Variants in ACTR3B observed in about 807,000 individuals in gnomAD.
ACTR3B encodes the protein actin-related protein 3B.
In ACTR3B, 8 loss-of-function variants were observed where a neutral mutation model predicts 59.0. The ratio of observed to expected loss-of-function variants is 0.14; its 90% CI spans 0.08 to 0.24. ACTR3B has a LOEUF of 0.24. ACTR3B is among the 10% of genes least tolerant of loss of function. The pLI is 1.00. For missense variants in ACTR3B, 245 were observed against 552.3 expected (o/e 0.44, Z 5.58); for synonymous variants, 148 against 197.9 (o/e 0.75, Z 2.12).
intron 2 of ACTR3B, among the ~76,000 whole-genome samples, chr7:152,784,449 G>A (rs1440277031): frequency 1.3e-5 from 2 of 151,946 alleles, no homozygotes; most frequent in South Asian, 2.1e-4. Context: ...ACCTCATTCC[G>A]GTTCCTTGCT....
At chr7:152,849,874 G>A (rs1031659469) in intron 9 of ACTR3B, among the ~76,000 whole-genome samples, 1 of 152,270 alleles carries the variant, frequency 6.6e-6, no homozygotes, top group Non-Finnish European at 1.5e-5. Context: ...GAGGTCACTG[G>A]TGGCTTCTCC....
At chr7:152,837,183 A>T (rs1797530347) in intron 9 of ACTR3B, among the ~76,000 whole-genome samples, 1 of 152,238 alleles carries the variant, frequency 6.6e-6, no homozygotes, top group African/African-American at 2.4e-5. Context: ...CTCAAAAAAA[A>T]ACAAACAAAC....
intron 9 of ACTR3B, among the ~76,000 whole-genome samples, chr7:152,829,057 T>TATATACAC (rs1390377342): frequency 3.7e-4 from 53 of 144,774 alleles, no homozygotes; most frequent in African/African-American, 1.3e-3. Flanking sequence ...TATATATATA[T>TATATACAC]ACACACACAC....
chr7:152,839,543 AG>A (rs1326806364), intron 9 of ACTR3B, among the ~76,000 whole-genome samples: 8 of 145,956 alleles, frequency 5.5e-5, no homozygotes, highest in African/African-American at 1.8e-4. Flanking sequence ...CAGCTGTGTC[AG>A]GCAGCGCGTA....
At chr7:152,772,478 C>G (rs2098126365) in intron 1 of ACTR3B, among the ~76,000 whole-genome samples, 1 of 152,090 alleles carries the variant, frequency 6.6e-6, no homozygotes, top group Non-Finnish European at 1.5e-5. Context: ...TGAGTTGTGA[C>G]TGCGCCACTG....
At chr7:152,845,664 G>A (rs1470300487) in intron 9 of ACTR3B, among the ~76,000 whole-genome samples, 2 of 152,224 alleles carry the variant, frequency 1.3e-5, no homozygotes, top group Non-Finnish European at 2.9e-5. Context: ...CTCCTGAAGT[G>A]ACTTGGCTCT....
At chr7:152,782,096 A>G (rs2098155914) in intron 1 of ACTR3B, among the ~76,000 whole-genome samples, 3 of 152,094 alleles carry the variant, frequency 2.0e-5, no homozygotes, top group African/African-American at 7.3e-5. Flanking sequence ...TAAAATTAGC[A>G]TATGGTAAAC....
In ACTR3B at chr7:152,825,703, C is replaced by T. The variant is rs113360208; in HGVS notation, c.951+581C>T. Among the ~76,000 whole-genome samples the T allele has an allele frequency of 8.7e-4, 132 of 152,202 alleles. 1 individual carries two copies. Among genetic ancestry groups the T allele is most frequent in the Non-Finnish European group, 1.7e-3 (114 of 68,024 alleles). Reference sequence around the variant, plus strand: ...GGTGGACAGTTTTAGCCACAAATATCGATGGAAAGTAAGAGCGGTGCCCTC... The same window carrying T: ...GGTGGACAGTTTTAGCCACAAATATTGATGGAAAGTAAGAGCGGTGCCCTC... On this transcript the variant is annotated intron_variant, in intron 9 of 11. Coordinates refer to ENST00000256001, the MANE Select transcript of ACTR3B (RefSeq NM_020445.6).
In ACTR3B at chr7:152,824,816, AT is replaced by A. The variant is rs762457557; in HGVS notation, c.859-213del. Among the ~76,000 whole-genome samples, 3 of 152,080 alleles carry A rather than the reference AT, an allele frequency of 2.0e-5. No homozygotes were observed. The highest frequency in any genetic ancestry group is 4.4e-5 in the Non-Finnish European group (3 of 68,022). ...GTTGTTGGTATTTTTTCTTCACTAA[AT>A]CCATACATTTTACCTCATGAGGAGA... is the stretch of plus-strand genomic sequence containing the variant. On this transcript the variant is annotated intron_variant, in intron 8 of 11. Transcript: ENST00000256001. The surrounding 1 kb of genome is among the most constrained non-coding windows in gnomAD (Gnocchi z 4.2).
At chr7:152,844,948 G>T (rs570433868) in intron 9 of ACTR3B, among the ~76,000 whole-genome samples, 1 of 147,168 alleles carries the variant, frequency 6.8e-6, no homozygotes, top group Non-Finnish European at 1.5e-5. Flanking sequence ...CTACTTCTAG[G>T]CCAGAAGTAA....
At chr7:152,823,844 A>T (rs1246372078) in intron 8 of ACTR3B, among the ~76,000 whole-genome samples, 2 of 152,178 alleles carry the variant, frequency 1.3e-5, no homozygotes, top group Non-Finnish European at 2.9e-5. Context: ...CAAGGCCTAT[A>T]TGGAGGTTGC....
At chr7:152,786,141 A>G (rs1254360071) in intron 2 of ACTR3B, among the ~76,000 whole-genome samples, 2 of 43,696 alleles carry the variant, frequency 4.6e-5, no homozygotes, top group East Asian at 4.9e-4. Context: ...GAAAGAGGCT[A>G]GAGGAGGAGC....
At chr7:152,821,835 C>T (rs1273248011) in intron 7 of ACTR3B, among the ~76,000 whole-genome samples, 1 of 152,144 alleles carries the variant, frequency 6.6e-6, no homozygotes, top group Non-Finnish European at 1.5e-5. Flanking sequence ...GTTTAGAGCT[C>T]CCCCCGCTTC....
chr7:152,801,600 C>G, intron 3 of ACTR3B, 21 bp from the exon 4 acceptor site: 1 of 1,282,458 alleles, frequency 7.8e-7, no homozygotes, highest in Non-Finnish European at 1.1e-6. Flanking sequence ...GGCTTGACAA[C>G]TCTGGTGTCT....
At chr7:152,800,113 G>A (rs1309372200) in intron 2 of ACTR3B, among the ~76,000 whole-genome samples, 1 of 152,154 alleles carries the variant, frequency 6.6e-6, no homozygotes, top group Non-Finnish European at 1.5e-5. Context: ...GTGATGTAGA[G>A]TCTTATTATA....
chr7:152,782,771 T>C (rs1160061578), intron 1 of ACTR3B, among the ~76,000 whole-genome samples: 1 of 151,928 alleles, frequency 6.6e-6, no homozygotes, highest in Non-Finnish European at 1.5e-5. Flanking sequence ...ATGGGAGTTC[T>C]TTTTCTGCAG....
At chr7:152,789,991 C>G (rs1401133471) in intron 2 of ACTR3B, among the ~76,000 whole-genome samples, 1 of 135,572 alleles carries the variant, frequency 7.4e-6, no homozygotes, top group Non-Finnish European at 1.6e-5. Flanking sequence ...GACATTTGTA[C>G]TCTTTCTTTT....
intron 4 of ACTR3B, chr7:152,811,327 A>G (rs1478658479): frequency 4.7e-5 from 7 of 147,624 alleles, no homozygotes; most frequent in South Asian, 2.2e-4. Context: ...AATCTTTCCA[A>G]CTCTCTGAGT....
chr7:152,770,738 C>T (rs2098121958), intron 1 of ACTR3B, among the ~76,000 whole-genome samples: 1 of 145,830 alleles, frequency 6.9e-6, no homozygotes, highest in African/African-American at 2.6e-5. Flanking sequence ...CAGAGGACTA[C>T]ACAGAGATTT....
Sources: gnomAD v4.1 joint callset for allele counts (sites outside exome capture counted in the v4.1 genomes callset) on GRCh38, gnomAD v4.1.1 for gene constraint, Gnocchi (gnomAD v3.1) non-coding constraint, MANE v1.5 for transcripts, NCBI Gene and HGNC (gene_info 2026-07-23, HGNC 2026-07-21) for gene names.